PLCG1: variants seen among roughly 807,000 people sequenced by gnomAD.
PLCG1 encodes the protein phospholipase C gamma 1.
In PLCG1, 71 loss-of-function variants were observed where a neutral mutation model predicts 177.8. The observed-to-expected ratio is 0.40, with a 90% CI of 0.33 to 0.49. PLCG1 has a LOEUF of 0.49. Ranked by LOEUF, PLCG1 falls within the 20% of genes least tolerant of loss-of-function variation. PLCG1 has a pLI of 0.72. For synonymous variants in PLCG1, 658 were observed against 647.9 expected, an observed-to-expected ratio of 1.02 and a Z score of -0.24; for missense variants, 1,281 against 1,709.0, an observed-to-expected ratio of 0.75 and a Z score of 4.42.
Position 41,166,957 on chromosome 20 carries a change from T to C in PLCG1, c.2301+98T>C. The C allele has an allele frequency of 8.3e-7, 1 of 1,206,820 alleles. No individual in the cohort carries two copies. The highest frequency in any genetic ancestry group is 1.2e-6 in the Non-Finnish European group (1 of 832,320). 74.8% of individuals were successfully genotyped at this position (1,206,820 alleles called of 1,614,324 possible). On this transcript the variant is annotated intron_variant, in intron 19 of 31. Transcript: ENST00000685551. This position sits in a 1 kb window ranked among gnomAD's most constrained non-coding sequence, Gnocchi z 8.6. ...GTGTGTAACAGCAAGACCTGGTGTG[T>C]TGTAGAAGTTCGTGGGAGGGCCCCT...
intron 1 of PLCG1, chr20:41,138,082 G>A (rs113813042): frequency 1.3e-5 from 5 of 374,948 alleles, no homozygotes; most frequent in African/African-American, 4.2e-5. Flanking sequence ...CCCCCAGCTG[G>A]GGGGAGTGTT....
rs2036015101 is a variant in PLCG1, at chr20:41,174,879, C to G, written c.*370C>G. On this transcript the variant is annotated 3_prime_UTR_variant, in exon 32 of 32. Coordinates refer to ENST00000685551, the MANE Select transcript of PLCG1 (RefSeq NM_002660.3). The surrounding 1 kb of genome is among the most constrained non-coding windows in gnomAD (Gnocchi z 5.8). Reference sequence around the variant, plus strand: ...GAGACTCCAAGGAGCTACTGACATTCCTAAGAGTGGAGGAGGAGGAGGAGC... The same window carrying G: ...GAGACTCCAAGGAGCTACTGACATTGCTAAGAGTGGAGGAGGAGGAGGAGC... 1 of 232,040 alleles carries G rather than the reference C, an allele frequency of 4.3e-6. No homozygotes were observed. Among genetic ancestry groups the G allele is most frequent in the African/African-American group, 2.3e-5 (1 of 43,836 alleles). 14.4% of individuals were successfully genotyped at this position (232,040 alleles called of 1,614,324 possible).
intron 24 of PLCG1, among the ~76,000 whole-genome samples, chr20:41,171,512 G>A (rs1052816718): frequency 1.3e-5 from 2 of 149,898 alleles, no homozygotes; most frequent in East Asian, 2.0e-4. Flanking sequence ...GCTTGAACCC[G>A]TGAGGTGGAG....
At position 41,157,455 on chromosome 20, in the gene PLCG1, GTT is replaced by G. The variant is rs1049142632; in HGVS notation, c.218-2149_218-2148del. On this transcript the variant is annotated intron_variant, in intron 1 of 31. Transcript: ENST00000685551. This position sits in a 1 kb window ranked among gnomAD's most constrained non-coding sequence, Gnocchi z 5.4. ...TTATGGCCCAGTTCTCCCTGCCCCT[GTT>G]TCTACCCGAGTATAACTGTTCATTT... Among the ~76,000 whole-genome samples, 3 of 152,116 alleles carry G rather than the reference GTT, an allele frequency of 2.0e-5. No homozygotes were observed. Among genetic ancestry groups the G allele is most frequent in the African/African-American group, 7.2e-5 (3 of 41,402 alleles).
At position 41,163,241 on chromosome 20, in the gene PLCG1, C is replaced by T; in HGVS notation, c.755C>T (p.Pro252Leu). 6.4e-7 allele frequency: 1 copy of T among 1,552,708 alleles called. No individual in the cohort carries two copies. Among genetic ancestry groups the T allele is most frequent in the Non-Finnish European group, 8.7e-7 (1 of 1,152,154 alleles). ...ERPELCRVSL[P>L]EFQQFLLDYQ... ...CCGGAGCTTTGCCGAGTGTCCCTTC[C>T]TGAGTTCCAGCAGTTCCTTCTTGAC... The change falls in exon 8 of 32, where the codon CCT (proline) becomes CTT (leucine). Residue 252 changes from proline (P) to leucine (L), a missense_variant. This residue lies in a region of PLCG1 where 374 missense variants were observed against 443.8 expected (regional missense o/e 0.84). Coordinates refer to ENST00000685551, the MANE Select transcript of PLCG1 (RefSeq NM_002660.3). This position sits in a 1 kb window ranked among gnomAD's most constrained non-coding sequence, Gnocchi z 5.2.
At position 41,165,767 on chromosome 20, in the gene PLCG1, C is replaced by T. The variant is rs573583117; in HGVS notation, c.1740C>T (p.Asp580=). The T allele has an allele frequency of 1.3e-5, 21 of 1,608,256 alleles. No homozygotes were observed. The highest frequency in any genetic ancestry group is 1.7e-4 in the Middle Eastern group (1 of 6,048). Residue 580 remains aspartate, a synonymous_variant, in exon 16 of 32, where the codon GAC becomes GAT. Transcript: ENST00000685551. This position sits in a 1 kb window ranked among gnomAD's most constrained non-coding sequence, Gnocchi z 6.6. ...TEYCIETGAP[D]GSFLVRESET... ...ACTGCATCGAGACCGGAGCCCCTGA[C>T]GGCTCCTTCCTCGTGCGAGAGAGTG...
chr20:41,140,018 CAG>C (rs1298702414), intron 1 of PLCG1, among the ~76,000 whole-genome samples: 1 of 152,058 alleles, frequency 6.6e-6, no homozygotes, highest in Non-Finnish European at 1.5e-5. Flanking sequence ...AAGAGGGGTG[CAG>C]AGAGGGGATG....
Position 41,165,520 on chromosome 20 carries a change from A to C in PLCG1, c.1580A>C (p.Gln527Pro). The change falls in exon 15 of 32, where the codon CAG (glutamine) becomes CCG (proline). Residue 527 changes from glutamine (Q) to proline (P), a missense_variant. Gln to Pro is a moderately conservative substitution (Grantham distance 76). Transcript: ENST00000685551. The surrounding 1 kb of genome is among the most constrained non-coding windows in gnomAD (Gnocchi z 6.6). The stretch of plus-strand genomic sequence containing the variant: ...TACTCTGAGGAGACCAGCAGTGACC[A>C]GGGCAACGAGGATGAGGAGGAGCCC... ...IYYSEETSSD[Q>P]GNEDEEEPKE... 6.2e-7 allele frequency: 1 copy of C among 1,614,042 alleles called. No homozygotes were observed. The highest frequency in any genetic ancestry group is 8.5e-7 in the Non-Finnish European group (1 of 1,179,934).
chr20:41,142,896 C>T (rs1266407955), intron 1 of PLCG1, among the ~76,000 whole-genome samples: 1 of 152,194 alleles, frequency 6.6e-6, no homozygotes, highest in African/African-American at 2.4e-5. Context: ...ATTAAGTTCT[C>T]AGGAGGACCT....
chr20:41,172,958 G>A lies in PLCG1; in HGVS notation c.3279+81G>A. On this transcript the variant is annotated intron_variant, in intron 27 of 31. Coordinates refer to ENST00000685551, the MANE Select transcript of PLCG1 (RefSeq NM_002660.3). This position sits in a 1 kb window ranked among gnomAD's most constrained non-coding sequence, Gnocchi z 7.0. The stretch of plus-strand genomic sequence containing the variant: ...TCTGTTTATGTTGAGTTCTCCAAAA[G>A]TAGGTATTTTCAGGCATCAAGGTGG... 1 of 1,479,680 alleles carries A rather than the reference G, an allele frequency of 6.8e-7. No individual in the cohort carries two copies. Among genetic ancestry groups the A allele is most frequent in the Admixed American group, 1.9e-5 (1 of 51,544 alleles). 91.7% of individuals were successfully genotyped at this position (1,479,680 alleles called of 1,614,324 possible). A position where few individuals can be genotyped will look rare whatever the true frequency, so the allele number is the denominator to read the frequency against.
rs752679145 is a variant in PLCG1, at chr20:41,163,034, C to T, written c.716+42C>T. ...GGAGGTGGGGTTTTCCCTGGGCCCCCTTCATCTCTCCACTGGGCGATTCTT... is the reference window on the plus strand; with the variant it reads ...GGAGGTGGGGTTTTCCCTGGGCCCCTTTCATCTCTCCACTGGGCGATTCTT... On this transcript the variant is annotated intron_variant, in intron 7 of 31. Coordinates refer to ENST00000685551, the MANE Select transcript of PLCG1 (RefSeq NM_002660.3). The surrounding 1 kb of genome is among the most constrained non-coding windows in gnomAD (Gnocchi z 5.2). 9 of 1,596,748 alleles carry T rather than the reference C, an allele frequency of 5.6e-6. No individual in the cohort carries two copies. Among genetic ancestry groups the T allele is most frequent in the Non-Finnish European group, 7.7e-6 (9 of 1,164,134 alleles).
rs1354468635 is a variant in PLCG1, at chr20:41,162,986, C to G, written c.710C>G (p.Thr237Ser). 1 of 1,614,014 alleles carries G rather than the reference C, an allele frequency of 6.2e-7. No homozygotes were observed. Among genetic ancestry groups the G allele is most frequent in the East Asian group, 2.2e-5 (1 of 44,876 alleles). Residue 237 changes from threonine to serine, a missense_variant, in exon 7 of 32, where the codon ACT becomes AGT. Thr to Ser is a moderately conservative substitution (Grantham distance 58). This residue lies in a region of PLCG1 where 374 missense variants were observed against 443.8 expected (regional missense o/e 0.84). Transcript: ENST00000685551. ...GACCTCCCCTTCTTGGAAGCCAGTA[C>G]TCTGAGGTTTGGTTTGGAGTGGGGA... ...TMDLPFLEAS[T>S]LRAGERPELC...
Position 41,164,864 on chromosome 20 carries a change from C to T in PLCG1, c.1218-69C>T, listed in dbSNP as rs1697450608. 3 of 1,494,756 alleles carry T rather than the reference C, an allele frequency of 2.0e-6. No homozygotes were observed. The highest frequency in any genetic ancestry group is 2.5e-5 in the South Asian group (2 of 79,968). The allele number at this position is 1,494,756 out of a possible 1,614,324, so 92.6% of individuals were successfully genotyped here. On this transcript the variant is annotated intron_variant, in intron 12 of 31. Transcript: ENST00000685551. The surrounding 1 kb of genome is among the most constrained non-coding windows in gnomAD (Gnocchi z 6.4). ...CAGGCCCTTGGCTTCCAACAGCTCA[C>T]TGTGAGGGGCTACTTAGACCCAGAG...
In PLCG1 at chr20:41,157,235, TGTGTG is replaced by T. The variant is rs1451230230; in HGVS notation, c.218-2370_218-2366del. 6.7e-6 allele frequency among the ~76,000 whole-genome samples: 1 copy of T among 149,918 alleles called. No homozygotes were observed. The highest frequency in any genetic ancestry group is 1.5e-5 in the Non-Finnish European group (1 of 66,840). On this transcript the variant is annotated intron_variant, in intron 1 of 31. Transcript: ENST00000685551. This position sits in a 1 kb window ranked among gnomAD's most constrained non-coding sequence, Gnocchi z 5.4. Reference sequence around the variant, plus strand: ...GTGTGTGTGTGTGTGTGTGTGTGTGTGTGTGTACAGTCACACTCACCTTTGCAAGA... The same window carrying T: ...GTGTGTGTGTGTGTGTGTGTGTGTGTTACAGTCACACTCACCTTTGCAAGA...
chr20:41,174,277 C>G lies in PLCG1; in HGVS notation c.3799C>G (p.His1267Asp). The change falls in exon 31 of 32, where the codon CAT becomes GAT. Residue 1267 changes from histidine (H) to aspartate (D), a missense_variant. His to Asp is a moderately conservative substitution (Grantham distance 81). Around this residue, in one of 4 missense-constraint regions of PLCG1, gnomAD observed 153 missense variants for 153.2 expected, o/e 1.00. Transcript: ENST00000685551. The surrounding 1 kb of genome is among the most constrained non-coding windows in gnomAD (Gnocchi z 5.8). ...PFEDFRISQE[H>D]LADHFDSRER... ...TGAGGACTTCCGCATCTCCCAGGAG[C>G]ATCTCGCAGACCATTTTGACAGTCG... 6.2e-7 allele frequency: 1 copy of G among 1,614,214 alleles called. No homozygotes were observed.
intron 20 of PLCG1, among the ~76,000 whole-genome samples, 179 bp from the exon 21 acceptor site, chr20:41,168,588 G>A (rs111903682): frequency 1.4e-4 from 21 of 152,224 alleles, no homozygotes; most frequent in African/African-American, 5.1e-4. Flanking sequence ...CTGTCCTGGA[G>A]CTTCCCTGCA....
At position 41,166,618 on chromosome 20, in the gene PLCG1, G is replaced by T. The variant is rs372515935; in HGVS notation, c.2120+23G>T. The T allele has an allele frequency of 2.1e-4, 334 of 1,614,104 alleles. No individual in the cohort carries two copies. Among genetic ancestry groups the T allele is most frequent in the Non-Finnish European group, 2.7e-4 (313 of 1,179,984 alleles). ...CCGGTGAGGGGTGTGGCACTGGGTTGTGGGGCCTTGCTTGGGTCTGAGCTG... is the reference window on the plus strand; with the variant it reads ...CCGGTGAGGGGTGTGGCACTGGGTTTTGGGGCCTTGCTTGGGTCTGAGCTG... On this transcript the variant is annotated intron_variant, in intron 18 of 31. Coordinates refer to ENST00000685551, the MANE Select transcript of PLCG1 (RefSeq NM_002660.3). The surrounding 1 kb of genome is among the most constrained non-coding windows in gnomAD (Gnocchi z 8.6).
At position 41,172,916 on chromosome 20, in the gene PLCG1, G is replaced by A; in HGVS notation, c.3279+39G>A. 2 of 1,600,134 alleles carry A rather than the reference G, an allele frequency of 1.2e-6. No homozygotes were observed. The highest frequency in any genetic ancestry group is 1.7e-6 in the Non-Finnish European group (2 of 1,171,170). ...ATCTGGGCTTCAGGGTAGGAAAGGGGCTGCTTGCCGTTGGAGTCTGTTTAT... is the reference window on the plus strand; with the variant it reads ...ATCTGGGCTTCAGGGTAGGAAAGGGACTGCTTGCCGTTGGAGTCTGTTTAT... On this transcript the variant is annotated intron_variant, in intron 27 of 31. Transcript: ENST00000685551. This position sits in a 1 kb window ranked among gnomAD's most constrained non-coding sequence, Gnocchi z 7.0.
rs1190689776 is a variant in PLCG1 at position 41,163,511 on chromosome 20, A to C, written c.891+32A>C. ...CCGATGTTTCACCCATTTTTTGTCA[A>C]GAGAATGAGTAGGGGTGACCAGGAC... On this transcript the variant is annotated intron_variant, in intron 9 of 31. Coordinates refer to ENST00000685551, the MANE Select transcript of PLCG1 (RefSeq NM_002660.3). This position sits in a 1 kb window ranked among gnomAD's most constrained non-coding sequence, Gnocchi z 5.2. 1 of 1,505,874 alleles carries C rather than the reference A, an allele frequency of 6.6e-7. No homozygotes were observed. Among genetic ancestry groups the C allele is most frequent in the African/African-American group, 1.4e-5 (1 of 72,850 alleles). The allele number at this position is 1,505,874 out of a possible 1,614,324, so 93.3% of individuals were successfully genotyped here. A position where few individuals can be genotyped will look rare whatever the true frequency, so the allele number is the denominator to read the frequency against.
Sources: allele counts gnomAD v4.1 joint callset (sites outside exome capture counted in the v4.1 genomes callset), GRCh38; gene constraint gnomAD v4.1.1; regional missense constraint gnomAD v4.1.1; non-coding constraint Gnocchi (gnomAD v3.1); transcripts MANE v1.5; gene names NCBI Gene and HGNC (gene_info 2026-07-23, HGNC 2026-07-21).